The following LANCL3 variants were observed in gnomAD, a reference collection of about 807,000 sequenced individuals.
The protein encoded by LANCL3 is lanC-like protein 3.
A neutral mutation model predicts 26.5 loss-of-function variants in LANCL3; 19 were observed. The observed-to-expected ratio is 0.72, with a 90% CI of 0.50 to 1.05. The LOEUF is 1.05. Ranked by LOEUF, LANCL3 falls within the 50% of genes least tolerant of loss-of-function variation. The probability of loss-of-function intolerance (pLI) is 0.00; values close to 1 mark genes in which losing one functional copy is unlikely to be tolerated. For synonymous variants in LANCL3, 160 were observed against 166.6 expected, an observed-to-expected ratio of 0.96 and a Z score of 0.30; for missense variants, 318 against 362.7, an observed-to-expected ratio of 0.88 and a Z score of 1.00.
intron 1 of LANCL3, 46 bp from the exon 2 acceptor site, chrX:37,655,642 A>G (rs1556430509): frequency 8.9e-7 from 1 of 1,129,768 alleles, no homozygotes; most frequent in Admixed American, 2.8e-5. Context: ...GTCTAAGGAA[A>G]AAGGAGATCC....
chrX:37,660,957 G>C (rs782434149), intron 3 of LANCL3, among the ~76,000 whole-genome samples: 3 of 105,902 alleles, frequency 2.8e-5, no homozygotes, highest in Non-Finnish European at 5.7e-5. Flanking sequence ...GCTAACTTCT[G>C]CCAATTATGA....
At chrX:37,576,239 A>T (rs1268823923) in intron 1 of LANCL3, among the ~76,000 whole-genome samples, 6 of 112,032 alleles carry the variant, frequency 5.4e-5, no homozygotes, top group African/African-American at 1.9e-4. Context: ...ATGTATGTGT[A>T]TGTGGCAAGA....
chrX:37,631,909 T>G (rs1310728043), intron 1 of LANCL3, among the ~76,000 whole-genome samples: 1 of 110,602 alleles, frequency 9.0e-6, no homozygotes, highest in African/African-American at 3.3e-5. Context: ...GGTGTGGTGC[T>G]GAAAAAAAAT....
chrX:37,665,967 C>T (rs1444675475), intron 3 of LANCL3, among the ~76,000 whole-genome samples: 3 of 112,095 alleles, frequency 2.7e-5, no homozygotes, highest in Non-Finnish European at 3.8e-5. Context: ...TTAGTTTGTG[C>T]AAGGTACTTT....
intron 1 of LANCL3, 88 bp downstream of exon 1, chrX:37,572,531 G>A: frequency 1.3e-6 from 1 of 792,144 alleles, no homozygotes; most frequent in Non-Finnish European, 1.8e-6. Flanking sequence ...GCACTGTCCC[G>A]AGTTGCTCTC....
intron 1 of LANCL3, among the ~76,000 whole-genome samples, chrX:37,596,012 A>G (rs1318076579): frequency 2.7e-5 from 3 of 112,210 alleles, no homozygotes; most frequent in Non-Finnish European, 5.6e-5. Context: ...TGGAAGAGTC[A>G]AAGCTTATTT....
At chrX:37,589,086 G>T (rs1285717371) in intron 1 of LANCL3, among the ~76,000 whole-genome samples, 6 of 111,970 alleles carry the variant, frequency 5.4e-5, no homozygotes, top group African/African-American at 1.9e-4. Context: ...GAGATCCAGT[G>T]TCTAACCAGA....
intron 1 of LANCL3, among the ~76,000 whole-genome samples, chrX:37,618,117 C>T (rs1455602562): frequency 3.6e-5 from 4 of 111,959 alleles, no homozygotes; most frequent in Admixed American, 1.9e-4. Context: ...ATTCTCTGGG[C>T]CCCTCTCCCT....
intron 4 of LANCL3, among the ~76,000 whole-genome samples, chrX:37,674,663 A>G (rs187833998): frequency 1.1e-4 from 12 of 112,165 alleles, no homozygotes; most frequent in Admixed American, 9.5e-4. Context: ...AAACAGTTAT[A>G]GAAAAATTGT....
intron 1 of LANCL3, among the ~76,000 whole-genome samples, chrX:37,609,347 T>G (rs1196556939): frequency 2.7e-5 from 3 of 111,690 alleles, no homozygotes; most frequent in Admixed American, 9.5e-5. Flanking sequence ...TTAAATGGCT[T>G]CTGGAGCTTG....
In LANCL3 at chrX:37,655,963, A is replaced by G. The variant is rs149161326; in HGVS notation, c.697+152A>G. ...ATTTTCTTTAAAAACCTATACTGAT[A>G]CATAACACAAATCACAAGTTAATAT... On this transcript the variant is annotated intron_variant, in intron 2 of 4. Coordinates refer to ENST00000378619, the MANE Select transcript of LANCL3 (RefSeq NM_001170331.2). 2,388 of 398,442 alleles carry G rather than the reference A, an allele frequency of 6.0e-3. 12 individuals are homozygous for G. Among genetic ancestry groups the G allele is most frequent in the South Asian group, 0.016 (229 of 14,370 alleles). The allele number at this position is 398,442 out of a possible 1,213,427, so 32.8% of individuals were successfully genotyped here. A position where few individuals can be genotyped will look rare whatever the true frequency, so the allele number is the denominator to read the frequency against.
chrX:37,576,407 A>C (rs1923749096), intron 1 of LANCL3, among the ~76,000 whole-genome samples: 1 of 111,379 alleles, frequency 9.0e-6, no homozygotes. Flanking sequence ...TCGGCTTTCC[A>C]CTGATTGGTG....
chrX:37,595,123 A>G (rs1305826565), intron 1 of LANCL3, among the ~76,000 whole-genome samples: 1 of 111,438 alleles, frequency 9.0e-6, no homozygotes, highest in East Asian at 2.8e-4. Context: ...TTTTGTTTTC[A>G]TCTTACATGT....
chrX:37,602,190 A>G (rs995719225), intron 1 of LANCL3, among the ~76,000 whole-genome samples: 5 of 112,131 alleles, frequency 4.5e-5, no homozygotes, highest in African/African-American at 1.6e-4. Context: ...GTAACAAACT[A>G]TACCTGAATT....
chrX:37,675,849 C>T lies in LANCL3; in HGVS notation c.*36C>T. ...CTTCCACTGTGGCCCTGCAGAGATCCCCTGAGCCAAGCCGAGGCAGTTTCC... is the reference window on the plus strand; with the variant it reads ...CTTCCACTGTGGCCCTGCAGAGATCTCCTGAGCCAAGCCGAGGCAGTTTCC... On this transcript the variant is annotated 3_prime_UTR_variant, in exon 5 of 5. Transcript: ENST00000378619. 2 of 1,051,857 alleles carry T rather than the reference C, an allele frequency of 1.9e-6. No homozygotes were observed. Among genetic ancestry groups the T allele is most frequent in the Non-Finnish European group, 2.5e-6 (2 of 807,402 alleles). 86.7% of individuals were successfully genotyped at this position (1,051,857 alleles called of 1,213,427 possible).
chrX:37,626,746 A>G (rs1431465324), intron 1 of LANCL3, among the ~76,000 whole-genome samples: 1 of 111,763 alleles, frequency 8.9e-6, no homozygotes, highest in African/African-American at 3.2e-5. Flanking sequence ...CTTTTCATAT[A>G]GTGTTTCTGC....
chrX:37,584,790 A>G (rs1490683816), intron 1 of LANCL3, among the ~76,000 whole-genome samples: 1 of 110,712 alleles, frequency 9.0e-6, no homozygotes, highest in Non-Finnish European at 1.9e-5. Context: ...TTGTTTCTCT[A>G]TCTCCTTCAG....
chrX:37,639,215 G>GTA lies in LANCL3; in HGVS notation c.574-16465_574-16464dup, dbSNP rs1335413662. On this transcript the variant is annotated intron_variant, in intron 1 of 4. Coordinates refer to ENST00000378619, the MANE Select transcript of LANCL3 (RefSeq NM_001170331.2). ...TATACACACACATATATACATGTATGTATATATATGTATGTGTGTACCTAC... is the reference window on the plus strand; with the variant it reads ...TATACACACACATATATACATGTATGTATATATATATGTATGTGTGTACCTAC... Among the ~76,000 whole-genome samples, 6 of 98,327 alleles carry GTA rather than the reference G, an allele frequency of 6.1e-5. No individual in the cohort carries two copies. In the East Asian group the frequency reaches 9.8e-4, roughly 16 times the overall value. 85.4% of individuals were successfully genotyped at this position (98,327 alleles called of 115,157 possible).
At chrX:37,611,371 GT>G (rs781873024) in intron 1 of LANCL3, among the ~76,000 whole-genome samples, 4 of 110,575 alleles carry the variant, frequency 3.6e-5, no homozygotes, top group African/African-American at 9.9e-5. Context: ...GCTGTGGTGG[GT>G]TTTTTTTGAT....
Sources: allele counts gnomAD v4.1 joint callset (sites outside exome capture counted in the v4.1 genomes callset), GRCh38; gene constraint gnomAD v4.1.1; transcripts MANE v1.5; gene names NCBI Gene and HGNC (gene_info 2026-07-23, HGNC 2026-07-21).